Variants in MINDY3 observed in about 807,000 individuals in gnomAD.
MINDY3 encodes the protein MINDY lysine 48 deubiquitinase 3.
In MINDY3, 38 loss-of-function variants were observed where a neutral mutation model predicts 69.2. The observed-to-expected ratio is 0.55, with a 90% CI of 0.42 to 0.72. The LOEUF is 0.72. Ranked by LOEUF, MINDY3 falls within the 30% of genes least tolerant of loss-of-function variation. The probability of loss-of-function intolerance (pLI) is 0.00; values close to 1 mark genes in which losing one functional copy is unlikely to be tolerated. For missense variants in MINDY3, 522 were observed against 519.0 expected (o/e 1.01, Z -0.06); for synonymous variants, 192 against 180.1 (o/e 1.07, Z -0.53).
intron 10 of MINDY3, among the ~76,000 whole-genome samples, chr10:15,806,329 T>C (rs1276938458): frequency 6.6e-6 from 1 of 152,162 alleles, no homozygotes; most frequent in African/African-American, 2.4e-5. Flanking sequence ...GCAGACTTCA[T>C]GTTTCCTATG....
intron 5 of MINDY3, chr10:15,837,880 G>C: frequency 1.1e-6 from 1 of 943,040 alleles, no homozygotes; most frequent in Non-Finnish European, 1.3e-6. Context: ...ATAGAAAACA[G>C]ATACTGGCAA....
chr10:15,834,234 A>T (rs867117091), intron 7 of MINDY3, among the ~76,000 whole-genome samples: 1 of 152,092 alleles, frequency 6.6e-6, no homozygotes, highest in African/African-American at 2.4e-5. Context: ...TTACAAAGAT[A>T]TACTTATTTC....
intron 10 of MINDY3, among the ~76,000 whole-genome samples, chr10:15,811,411 AG>A (rs1387402698): frequency 6.6e-6 from 1 of 152,182 alleles, no homozygotes; most frequent in Non-Finnish European, 1.5e-5. Flanking sequence ...AAGGAGCCAA[AG>A]CCATCAACCA....
At chr10:15,856,790 T>C (rs1834720634) in intron 1 of MINDY3, among the ~76,000 whole-genome samples, 1 of 152,222 alleles carries the variant, frequency 6.6e-6, no homozygotes, top group Non-Finnish European at 1.5e-5. Flanking sequence ...CAAGAAATAC[T>C]ACTTCTGTTA....
At chr10:15,842,722 A>G (rs558741247) in intron 3 of MINDY3, among the ~76,000 whole-genome samples, 37 of 151,924 alleles carry the variant, frequency 2.4e-4, no homozygotes, top group African/African-American at 8.7e-4. Context: ...AATTCTTGTT[A>G]TTATAAGGTG....
rs759506771 is a variant in MINDY3 at position 15,779,070 on chromosome 10, A to G, written c.1260T>C (p.Pro420=). 3.1e-6 allele frequency: 5 copies of G among 1,613,494 alleles called. No homozygotes were observed. The Admixed American group carries it at 8.3e-5, about 27-fold the overall frequency. Residue 420 remains proline, a synonymous_variant, in exon 15 of 15, where the codon CCT becomes CCC. Transcript: ENST00000277632. ...EDPMLQTDDT[P]IKRCLQTKWP... ...ATTTGGTTTGCAGACAGCGTTTAAT[A>G]GGAGTGTCATCTGTCTGTAGCATGG...
chr10:15,831,981 G>A (rs1840499270), intron 8 of MINDY3, among the ~76,000 whole-genome samples: 2 of 152,016 alleles, frequency 1.3e-5, no homozygotes. Context: ...CGGACATGGA[G>A]CCTCCTATTC....
At chr10:15,789,169 G>C in intron 12 of MINDY3, 78 bp downstream of exon 12, 4 of 1,189,588 alleles carry the variant, frequency 3.4e-6, no homozygotes, top group Non-Finnish European at 4.9e-6. Context: ...TTTTTAAAAA[G>C]GCAAAAAATG....
At chr10:15,808,417 G>T (rs972271136) in intron 10 of MINDY3, among the ~76,000 whole-genome samples, 1 of 152,108 alleles carries the variant, frequency 6.6e-6, no homozygotes, top group Non-Finnish European at 1.5e-5. Context: ...CCTTAACACC[G>T]TTTTATTACA....
At chr10:15,780,488 G>T (rs1447464307) in intron 14 of MINDY3, among the ~76,000 whole-genome samples, 1 of 152,142 alleles carries the variant, frequency 6.6e-6, no homozygotes, top group Non-Finnish European at 1.5e-5. Flanking sequence ...TTTTCACAAA[G>T]AACTTCATGT....
At chr10:15,853,155 C>A (rs192304530) in intron 1 of MINDY3, among the ~76,000 whole-genome samples, 2 of 151,800 alleles carry the variant, frequency 1.3e-5, no homozygotes, top group African/African-American at 4.8e-5. Context: ...GTAGTTGGAT[C>A]AAGAATTATT....
At chr10:15,839,601 C>G (rs1833321132) in intron 4 of MINDY3, among the ~76,000 whole-genome samples, 1 of 150,394 alleles carries the variant, frequency 6.6e-6, no homozygotes, top group Non-Finnish European at 1.5e-5. Context: ...AAGAGGCAAG[C>G]AAAATAAAAA....
intron 11 of MINDY3, among the ~76,000 whole-genome samples, chr10:15,794,265 G>A (rs575895886): frequency 1.3e-5 from 2 of 152,114 alleles, no homozygotes; most frequent in African/African-American, 2.4e-5. Context: ...TTCTGAGAAC[G>A]CATGATTTGC....
chr10:15,833,610 A>G lies in MINDY3; in HGVS notation c.730+20T>C, dbSNP rs1274161888. On this transcript the variant is annotated intron_variant, in intron 8 of 14. Transcript: ENST00000277632. ...AATATTATTCATCAAAGAGAGCAAC[A>G]TAACAAGGAATATACTTACTCATTC... The G allele has an allele frequency of 6.2e-6, 9 of 1,447,306 alleles. No individual in the cohort carries two copies. In the Admixed American group the frequency reaches 8.5e-5, roughly 14 times the overall value. The allele number at this position is 1,447,306 out of a possible 1,614,324, so 89.7% of individuals were successfully genotyped here.
intron 4 of MINDY3, 37 bp downstream of exon 4, chr10:15,841,389 C>G (rs371026919): frequency 6.5e-7 from 1 of 1,530,626 alleles, no homozygotes. Flanking sequence ...AACAAAGGAA[C>G]AAGAAAAAAA....
intron 1 of MINDY3, among the ~76,000 whole-genome samples, chr10:15,852,456 A>C (rs1379268933): frequency 6.6e-6 from 1 of 152,208 alleles, no homozygotes; most frequent in Non-Finnish European, 1.5e-5. Flanking sequence ...AAAGTGAATG[A>C]GAACTTGTAA....
intron 1 of MINDY3, among the ~76,000 whole-genome samples, chr10:15,849,180 C>T (rs191987421): frequency 2.6e-5 from 4 of 152,278 alleles, no homozygotes; most frequent in Admixed American, 6.5e-5. Flanking sequence ...TCATCTTGAA[C>T]AGGAATTTGC....
intron 12 of MINDY3, among the ~76,000 whole-genome samples, chr10:15,787,638 C>T (rs1339668179): frequency 6.6e-6 from 1 of 152,112 alleles, no homozygotes; most frequent in Non-Finnish European, 1.5e-5. Context: ...GCTGCATCTG[C>T]GCTGACATAG....
At chr10:15,804,359 A>T (rs1021017731) in intron 10 of MINDY3, among the ~76,000 whole-genome samples, 1 of 152,106 alleles carries the variant, frequency 6.6e-6, no homozygotes, top group Non-Finnish European at 1.5e-5. Context: ...TTCACCATAA[A>T]CCTTTTAAAA....
Sources: allele counts gnomAD v4.1 joint callset (sites outside exome capture counted in the v4.1 genomes callset), GRCh38; gene constraint gnomAD v4.1.1; transcripts MANE v1.5; gene names NCBI Gene and HGNC (gene_info 2026-07-23, HGNC 2026-07-21).